The following PIGN variants were observed in gnomAD, a reference collection of about 807,000 sequenced individuals.
PIGN encodes the protein phosphatidylinositol glycan anchor biosynthesis class N.
In PIGN, 117 loss-of-function variants were observed where a neutral mutation model predicts 125.4. The observed-to-expected ratio is 0.93, with a 90% CI of 0.80 to 1.09. The LOEUF is 1.09. Ranked by LOEUF, PIGN falls within the 50% of genes least tolerant of loss-of-function variation. The pLI is 0.00. For missense variants in PIGN, 1,075 were observed against 1,094.9 expected, an observed-to-expected ratio of 0.98 and a Z score of 0.26; for synonymous variants, 392 against 377.8, an observed-to-expected ratio of 1.04 and a Z score of -0.44.
chr18:62,175,278 A>G (rs1381609538), intron 1 of PIGN, among the ~76,000 whole-genome samples: 2 of 151,638 alleles, frequency 1.3e-5, no homozygotes, highest in Non-Finnish European at 2.9e-5. Flanking sequence ...ACACAATGTA[A>G]GTTTCTCCCT....
intron 28 of PIGN, among the ~76,000 whole-genome samples, chr18:62,077,373 A>C (rs1426202427): frequency 1.3e-5 from 2 of 152,054 alleles, no homozygotes; most frequent in African/African-American, 4.8e-5. Flanking sequence ...ACTCTGCCTC[A>C]AAACAAACAA....
Position 62,043,509 on chromosome 18 carries a change from T to C in PIGN, c.*2347A>G, listed in dbSNP as rs1412866310. The C allele has an allele frequency of 3.3e-5, 5 of 152,244 alleles. No homozygotes were observed. The East Asian group carries it at 7.7e-4, about 23-fold the overall frequency. 9.4% of individuals were successfully genotyped at this position (152,244 alleles called of 1,614,324 possible). A position where few individuals can be genotyped will look rare whatever the true frequency, so the allele number is the denominator to read the frequency against. ...AAGTTTTTCATGAGAAACCATATTA[T>C]AATGGATGAAGAGCTTTTCTAATTC... On this transcript the variant is annotated 3_prime_UTR_variant, in exon 31 of 31. Transcript: ENST00000640252.
At chr18:62,090,997 C>G (rs1036676960) in intron 23 of PIGN, among the ~76,000 whole-genome samples, 1 of 152,044 alleles carries the variant, frequency 6.6e-6, no homozygotes, top group Non-Finnish European at 1.5e-5. Context: ...TATGTTTGAC[C>G]TTATTGATAA....
At chr18:62,067,062 A>T (rs2032561471) in intron 30 of PIGN, among the ~76,000 whole-genome samples, 1 of 152,224 alleles carries the variant, frequency 6.6e-6, no homozygotes. Flanking sequence ...AGTACTAGAA[A>T]AGCAAAATAA....
chr18:62,038,731 G>A (rs912518299), downstream of PIGN, among the ~76,000 whole-genome samples: 2 of 152,036 alleles, frequency 1.3e-5, no homozygotes, highest in Non-Finnish European at 2.9e-5. Context: ...AGGAATTCAA[G>A]ACCATCCTGG....
intron 11 of PIGN, among the ~76,000 whole-genome samples, chr18:62,142,093 G>C (rs1165792880): frequency 1.3e-5 from 2 of 152,160 alleles, no homozygotes; most frequent in African/African-American, 4.8e-5. Flanking sequence ...ACTTACCACA[G>C]CTATAAGTTT....
intron 1 of PIGN, among the ~76,000 whole-genome samples, chr18:62,176,158 T>C (rs557421364): frequency 2.0e-5 from 3 of 152,332 alleles, no homozygotes; most frequent in Admixed American, 1.3e-4. Context: ...TAATTTTCTC[T>C]AACATTATGT....
intron 29 of PIGN, 27 bp downstream of exon 29, chr18:62,074,752 T>G: frequency 6.8e-7 from 1 of 1,472,878 alleles, no homozygotes; most frequent in Non-Finnish European, 9.4e-7. Flanking sequence ...TAATCTAATT[T>G]ATATGGACTA....
intron 14 of PIGN, chr18:62,137,776 A>T (rs2147125300): frequency 6.5e-6 from 1 of 154,626 alleles, no homozygotes; most frequent in South Asian, 2.0e-4. Context: ...CACAAGCAAC[A>T]TACATCTTCT....
chr18:62,149,543 T>A (rs528136106), intron 7 of PIGN, among the ~76,000 whole-genome samples: 1 of 152,206 alleles, frequency 6.6e-6, no homozygotes, highest in African/African-American at 2.4e-5. Flanking sequence ...TATCCTATCC[T>A]TTCTTGCAGC....
intron 23 of PIGN, among the ~76,000 whole-genome samples, chr18:62,025,293 G>A (rs1171794410): frequency 1.3e-5 from 2 of 152,178 alleles, no homozygotes; most frequent in African/African-American, 4.8e-5. Flanking sequence ...TTAGGTTTTT[G>A]TGTTCTAAAT....
In PIGN at chr18:62,045,714, C is replaced by A; in HGVS notation, c.*142G>T. The A allele has an allele frequency of 1.4e-6, 1 of 712,184 alleles. No homozygotes were observed. Among genetic ancestry groups the A allele is most frequent in the Non-Finnish European group, 2.2e-6 (1 of 464,400 alleles). The allele number at this position is 712,184 out of a possible 1,614,324, so 44.1% of individuals were successfully genotyped here. A position where few individuals can be genotyped will look rare whatever the true frequency, so the allele number is the denominator to read the frequency against. ...AGCTCCTTTGTTCCAGATAACCTGTCAATTCGGAATTCCAAATACCATTTT... is the reference window on the plus strand; with the variant it reads ...AGCTCCTTTGTTCCAGATAACCTGTAAATTCGGAATTCCAAATACCATTTT... On this transcript the variant is annotated 3_prime_UTR_variant, in exon 31 of 31. Transcript: ENST00000640252.
intron 14 of PIGN, chr18:62,123,641 T>C (rs1478853842): frequency 6.6e-6 from 1 of 152,162 alleles, no homozygotes; most frequent in African/African-American, 2.4e-5. Context: ...TGAATTAAGA[T>C]AATAAGAGTC....
chr18:62,088,933 G>A (rs2033835978), intron 24 of PIGN, 91 bp from the exon 25 acceptor site: 1 of 712,268 alleles, frequency 1.4e-6, no homozygotes, highest in African/African-American at 1.8e-5. Context: ...AGTTACAATG[G>A]CTAGAAACAT....
intron 14 of PIGN, among the ~76,000 whole-genome samples, chr18:62,118,367 A>G (rs2035167317): frequency 6.6e-6 from 1 of 152,172 alleles, no homozygotes. Context: ...GCTCCCACCA[A>G]GAACAACTAG....
At chr18:62,161,411 G>C in intron 3 of PIGN, 26 bp from the exon 4 acceptor site, 1 of 1,134,352 alleles carries the variant, frequency 8.8e-7, no homozygotes, top group Non-Finnish European at 1.3e-6. Flanking sequence ...AAATTAAATT[G>C]GGGTAAATCT....
downstream of PIGN, among the ~76,000 whole-genome samples, chr18:62,037,881 T>C (rs1054280763): frequency 1.3e-5 from 2 of 152,138 alleles, no homozygotes; most frequent in Non-Finnish European, 2.9e-5. Flanking sequence ...TGTGAGATCA[T>C]GAGTGTAAAG....
intron 23 of PIGN, among the ~76,000 whole-genome samples, chr18:62,033,775 T>C (rs1416195019): frequency 2.0e-5 from 3 of 152,242 alleles, no homozygotes; most frequent in South Asian, 4.1e-4. Flanking sequence ...GTATCATCTA[T>C]ACCCATACTT....
intron 30 of PIGN, among the ~76,000 whole-genome samples, chr18:62,055,596 G>A (rs1221535863): frequency 6.6e-6 from 1 of 152,084 alleles, no homozygotes; most frequent in Non-Finnish European, 1.5e-5. Context: ...CAACATCCTG[G>A]TTTTACTATA....
Sources: allele counts gnomAD v4.1 joint callset (sites outside exome capture counted in the v4.1 genomes callset), GRCh38; gene constraint gnomAD v4.1.1; transcripts MANE v1.5; gene names NCBI Gene and HGNC (gene_info 2026-07-23, HGNC 2026-07-21).